BMPER: variants seen among roughly 807,000 people sequenced by gnomAD.
BMPER encodes the protein BMP binding endothelial regulator.
In BMPER, 45 loss-of-function variants were observed where a neutral mutation model predicts 87.3. That is an observed-to-expected ratio of 0.52 (90% CI 0.41 to 0.66). The LOEUF (loss-of-function observed/expected upper bound fraction) is 0.66, where lower values mean the gene tolerates loss of function less well. Ranked by LOEUF, BMPER falls within the 30% of genes least tolerant of loss-of-function variation. The probability of loss-of-function intolerance (pLI) is 0.00; values close to 1 mark genes in which losing one functional copy is unlikely to be tolerated. For missense variants in BMPER, 784 were observed against 867.5 expected (o/e 0.90, Z 1.21); for synonymous variants, 326 against 316.2 (o/e 1.03, Z -0.33).
In BMPER at chr7:33,989,829, C is replaced by T. The variant is rs1173999145; in HGVS notation, c.576+15045C>T. On this transcript the variant is annotated intron_variant, in intron 6 of 14. Transcript: ENST00000649409. ...GAAGGGATCCAGTTTCAGCTTTCTA[C>T]ATGTGGCTATCCAGTTTTCCCAGCA... 1.2e-4 allele frequency among the ~76,000 whole-genome samples: 19 copies of T among 152,334 alleles called. No individual in the cohort carries two copies. In the East Asian group the frequency reaches 3.5e-3, roughly 28 times the overall value.
At chr7:34,009,385 T>C (rs1016517733) in intron 6 of BMPER, among the ~76,000 whole-genome samples, 26 of 151,966 alleles carry the variant, frequency 1.7e-4, no homozygotes, top group African/African-American at 6.0e-4. Flanking sequence ...GATTATGTTT[T>C]ATGAGGGTGC....
chr7:34,001,763 G>T (rs1786587935), intron 6 of BMPER, among the ~76,000 whole-genome samples: 1 of 151,560 alleles, frequency 6.6e-6, no homozygotes, highest in Admixed American at 6.6e-5. Context: ...TAAGTGGAAG[G>T]TTAAGTTATT....
chr7:34,010,613 G>A (rs1361888773), intron 6 of BMPER, among the ~76,000 whole-genome samples: 1 of 151,820 alleles, frequency 6.6e-6, no homozygotes, highest in Non-Finnish European at 1.5e-5. Context: ...TTAAATCAGT[G>A]CATGATTGCT....
At chr7:34,083,605 G>C (rs2127976087) in intron 12 of BMPER, among the ~76,000 whole-genome samples, 1 of 152,244 alleles carries the variant, frequency 6.6e-6, no homozygotes, top group Admixed American at 6.5e-5. Flanking sequence ...AGTAACTCTT[G>C]TGGCAGTTGT....
chr7:33,970,459 G>A, intron 5 of BMPER, 40 bp downstream of exon 5: 1 of 1,586,344 alleles, frequency 6.3e-7, no homozygotes, highest in Non-Finnish European at 8.7e-7. Flanking sequence ...ATCTCTGTGT[G>A]TTCTTTCAGG....
At chr7:33,930,963 G>T (rs1432475590) in intron 2 of BMPER, among the ~76,000 whole-genome samples, 1 of 152,084 alleles carries the variant, frequency 6.6e-6, no homozygotes, top group Non-Finnish European at 1.5e-5. Flanking sequence ...GAAAAGCAAT[G>T]AAATCTGGCC....
At chr7:34,148,234 C>G (rs948340323) in intron 14 of BMPER, among the ~76,000 whole-genome samples, 20 of 152,134 alleles carry the variant, frequency 1.3e-4, no homozygotes, top group Non-Finnish European at 2.6e-4. Flanking sequence ...CATTGTCTGT[C>G]TGACAATGAC....
chr7:33,979,007 G>T (rs967275914), intron 6 of BMPER, among the ~76,000 whole-genome samples: 12 of 152,078 alleles, frequency 7.9e-5, no homozygotes, highest in African/African-American at 2.9e-4. Flanking sequence ...AGAAGTGTGG[G>T]CATGTGCACA....
At chr7:33,970,789 A>C (rs995996806) in intron 5 of BMPER, among the ~76,000 whole-genome samples, 1 of 152,182 alleles carries the variant, frequency 6.6e-6, no homozygotes, top group Admixed American at 6.5e-5. Flanking sequence ...TGAGGTGACC[A>C]GATGTTTTCT....
Position 34,146,314 on chromosome 7 carries a change from C to A in BMPER, c.1876+2954C>A, listed in dbSNP as rs557842918. Among the ~76,000 whole-genome samples, 6 of 152,178 alleles carry A rather than the reference C, an allele frequency of 3.9e-5. No homozygotes were observed. The South Asian group carries it at 1.0e-3, about 26-fold the overall frequency. The stretch of plus-strand genomic sequence containing the variant: ...GGAAGTTGAACATATAAGAAGTCAG[C>A]CAGGCGAGAAACTCTAAATGAGCCA... On this transcript the variant is annotated intron_variant, in intron 14 of 14. Transcript: ENST00000649409.
chr7:34,043,309 C>G (rs1374019272), intron 6 of BMPER, among the ~76,000 whole-genome samples: 3 of 152,128 alleles, frequency 2.0e-5, no homozygotes, highest in Admixed American at 2.0e-4. Context: ...CAGACTCTTT[C>G]AATTGTTTGT....
At chr7:34,001,563 C>CTTTTTTTTTTTTTTTTTTTTTT in intron 6 of BMPER, among the ~76,000 whole-genome samples, 1 of 138,612 alleles carries the variant, frequency 7.2e-6, no homozygotes, top group Non-Finnish European at 1.6e-5. Flanking sequence ...AATCTGCTTT[C>CTTTTTTTTTTTTTTTTTTTTTT]TTTTTTTTTT....
At chr7:33,944,285 C>G (rs1333758716) in intron 3 of BMPER, among the ~76,000 whole-genome samples, 1 of 152,116 alleles carries the variant, frequency 6.6e-6, no homozygotes, top group Non-Finnish European at 1.5e-5. Context: ...CATGCCTCAG[C>G]CTCCCAAGTA....
At chr7:33,976,905 T>A (rs1785702286) in intron 6 of BMPER, among the ~76,000 whole-genome samples, 1 of 152,168 alleles carries the variant, frequency 6.6e-6, no homozygotes. Flanking sequence ...AAACACCAAG[T>A]TTTTCTGCCT....
intron 13 of BMPER, among the ~76,000 whole-genome samples, chr7:34,118,768 T>C (rs1790181787): frequency 6.6e-6 from 1 of 152,164 alleles, no homozygotes; most frequent in Non-Finnish European, 1.5e-5. Flanking sequence ...AGCAGATTCC[T>C]CTCTGCAACA....
intron 3 of BMPER, among the ~76,000 whole-genome samples, chr7:33,947,037 G>A (rs1281129984): frequency 6.6e-6 from 1 of 152,282 alleles, no homozygotes; most frequent in South Asian, 2.1e-4. Context: ...AAATATTTCA[G>A]TGTGCTTTTG....
chr7:34,155,776 A>G lies in BMPER; in HGVS notation c.*2503A>G, dbSNP rs745755118. 6.6e-6 allele frequency: 1 copy of G among 152,246 alleles called. No homozygotes were observed. Among genetic ancestry groups the G allele is most frequent in the Non-Finnish European group, 1.5e-5 (1 of 68,056 alleles). The allele number at this position is 152,246 out of a possible 1,614,324, so 9.4% of individuals were successfully genotyped here. A position where few individuals can be genotyped will look rare whatever the true frequency, so the allele number is the denominator to read the frequency against. On this transcript the variant is annotated 3_prime_UTR_variant, in exon 15 of 15. Transcript: ENST00000649409. The stretch of plus-strand genomic sequence containing the variant: ...ATTTACCAAGTGCTTCAATGAGAGC[A>G]GTCCTGTTTCATTCACATGGGATGT...
At chr7:33,923,944 A>G (rs1784296700) in intron 2 of BMPER, among the ~76,000 whole-genome samples, 1 of 152,134 alleles carries the variant, frequency 6.6e-6, no homozygotes, top group Non-Finnish European at 1.5e-5. Flanking sequence ...GCCTAAAACC[A>G]CTGGTATGCT....
chr7:34,111,913 T>A (rs953856854), intron 13 of BMPER, among the ~76,000 whole-genome samples: 3 of 152,024 alleles, frequency 2.0e-5, no homozygotes, highest in African/African-American at 7.2e-5. Context: ...GGTTTCTCCA[T>A]GTTAGTCAGG....
Sources: allele counts gnomAD v4.1 joint callset (sites outside exome capture counted in the v4.1 genomes callset), GRCh38; gene constraint gnomAD v4.1.1; transcripts MANE v1.5; gene names NCBI Gene and HGNC (gene_info 2026-07-23, HGNC 2026-07-21).